CDH23: variants seen among roughly 807,000 people sequenced by gnomAD.
CDH23 encodes cadherin related 23.
Under a neutral mutation model 317.1 loss-of-function variants are expected in CDH23, and 189 were observed. The observed-to-expected ratio is 0.60, with a 90% confidence interval of 0.53 to 0.67. The LOEUF is 0.67. Ranked by LOEUF, CDH23 falls within the 30% of genes least tolerant of loss-of-function variation. The probability of loss-of-function intolerance (pLI) is 0.00; values close to 1 mark genes in which losing one functional copy is unlikely to be tolerated. For synonymous variants in CDH23, 1,839 were observed against 1,876.8 expected, an observed-to-expected ratio of 0.98 and a Z score of 0.52; for missense variants, 4,401 against 4,592.4, an observed-to-expected ratio of 0.96 and a Z score of 1.20.
intron 11 of CDH23, among the ~76,000 whole-genome samples, chr10:71,630,856 A>T (rs1432556432): frequency 6.6e-6 from 1 of 152,152 alleles, no homozygotes; most frequent in Non-Finnish European, 1.5e-5. Context: ...AAATCCAACC[A>T]TTGGCTCTCA....
chr10:71,478,779 T>C (rs1851920003), intron 3 of CDH23, among the ~76,000 whole-genome samples: 1 of 152,216 alleles, frequency 6.6e-6, no homozygotes. Context: ...TGTGGAGGAA[T>C]CTAAGAGCCC....
chr10:71,562,588 C>G (rs2132345711), intron 6 of CDH23, among the ~76,000 whole-genome samples: 1 of 152,338 alleles, frequency 6.6e-6, no homozygotes. Flanking sequence ...CTGCCCATGG[C>G]TGGGCATGTT....
chr10:71,439,154 C>T (rs1849756156), intron 1 of CDH23, among the ~76,000 whole-genome samples: 1 of 152,192 alleles, frequency 6.6e-6, no homozygotes, highest in African/African-American at 2.4e-5. Flanking sequence ...AGCTCTGAGC[C>T]CTTCAAAATT....
intron 22 of CDH23, among the ~76,000 whole-genome samples, chr10:71,701,066 G>A (rs1865564693): frequency 6.6e-6 from 1 of 152,170 alleles, no homozygotes; most frequent in South Asian, 2.1e-4. Context: ...CACTGATCTT[G>A]TCCACCCCTG....
chr10:71,703,133 AC>A (rs1445360880), intron 24 of CDH23, among the ~76,000 whole-genome samples: 1 of 152,084 alleles, frequency 6.6e-6, no homozygotes, highest in African/African-American at 2.4e-5. Flanking sequence ...CTCTAAAGAG[AC>A]TTGCCCAAGA....
chr10:71,684,258 T>C (rs1864780743), intron 18 of CDH23, among the ~76,000 whole-genome samples: 1 of 152,040 alleles, frequency 6.6e-6, no homozygotes, highest in Non-Finnish European at 1.5e-5. Flanking sequence ...AACCTGGCCT[T>C]AGTTTCCCAG....
chr10:71,678,901 A>C (rs1460602663), intron 16 of CDH23, among the ~76,000 whole-genome samples: 1 of 152,170 alleles, frequency 6.6e-6, no homozygotes, highest in African/African-American at 2.4e-5. Context: ...GTTCCTGCTC[A>C]CATGAAGCTG....
At chr10:71,569,921 G>A (rs1184792496) in intron 7 of CDH23, among the ~76,000 whole-genome samples, 4 of 151,724 alleles carry the variant, frequency 2.6e-5, no homozygotes, top group African/African-American at 4.8e-5. Flanking sequence ...TGGGGGTCTC[G>A]CTATGTTGTC....
intron 11 of CDH23, among the ~76,000 whole-genome samples, chr10:71,638,955 C>A (rs1354209650): frequency 6.6e-6 from 1 of 152,038 alleles, no homozygotes; most frequent in Non-Finnish European, 1.5e-5. Flanking sequence ...GCGCTGCCCT[C>A]GTGGGGGTGG....
intron 14 of CDH23, among the ~76,000 whole-genome samples, chr10:71,666,289 G>GC (rs34858874): frequency 1.3e-5 from 2 of 151,720 alleles, no homozygotes; most frequent in African/African-American, 4.8e-5. Flanking sequence ...TGTGATCACA[G>GC]CCCCCCAATA....
At chr10:71,527,668 C>G (rs1855117449) in intron 6 of CDH23, among the ~76,000 whole-genome samples, 1 of 152,164 alleles carries the variant, frequency 6.6e-6, no homozygotes, top group African/African-American at 2.4e-5. Flanking sequence ...GAAGCAAGAC[C>G]AGGGCACCAG....
chr10:71,427,195 GAGAAAGAAAGAAAGAAAGAAAGAAAGAA>G (rs373672706), intron 1 of CDH23, among the ~76,000 whole-genome samples: 2 of 98,948 alleles, frequency 2.0e-5, no homozygotes, highest in South Asian at 3.6e-4. Flanking sequence ...AGGAAGGAAA[GAGAAAGAAAGAAAGAAAGAAAGAAAGAA>G]AGAAAGAAAG....
chr10:71,704,409 A>G (rs182041042), intron 24 of CDH23, among the ~76,000 whole-genome samples: 1 of 152,314 alleles, frequency 6.6e-6, no homozygotes, highest in East Asian at 1.9e-4. Context: ...AAATAATAAT[A>G]ATGAAATCCT....
In CDH23 at chr10:71,725,591, C is replaced by A. The variant is rs1225048064; in HGVS notation, c.3579+71C>A. 4.6e-6 allele frequency: 7 copies of A among 1,518,046 alleles called. No individual in the cohort carries two copies. The Admixed American group carries it at 1.4e-4, about 30-fold the overall frequency. 94.0% of individuals were successfully genotyped at this position (1,518,046 alleles called of 1,614,324 possible). On this transcript the variant is annotated intron_variant, in intron 30 of 69. Coordinates refer to ENST00000224721, the MANE Select transcript of CDH23 (RefSeq NM_022124.6). ...AGCCCACAGCTAGAACAGAGAAGGCCATTAGTTGGCGCCTGGTGTGGGCAG... is the reference window on the plus strand; with the variant it reads ...AGCCCACAGCTAGAACAGAGAAGGCAATTAGTTGGCGCCTGGTGTGGGCAG...
At chr10:71,479,348 C>T (rs767695117) in intron 3 of CDH23, among the ~76,000 whole-genome samples, 21 of 152,272 alleles carry the variant, frequency 1.4e-4, no homozygotes, top group South Asian at 8.3e-4. Flanking sequence ...TCAGGGAACC[C>T]GCAGTGTGGA....
chr10:71,807,267 C>T lies in CDH23; in HGVS notation c.8179-10C>T, dbSNP rs778287546. ...TGGCCCCATGTGATGACATCCCCCT[C>T]CCTCTGCAGAAAGGCAGCCCCCAGT... On this transcript the variant is annotated splice_polypyrimidine_tract_variant and intron_variant, in intron 57 of 69. Transcript: ENST00000224721. 2 of 1,612,144 alleles carry T rather than the reference C, an allele frequency of 1.2e-6. No individual in the cohort carries two copies. The highest frequency in any genetic ancestry group is 1.7e-6 in the Non-Finnish European group (2 of 1,178,582).
chr10:71,475,376 C>T (rs1023636999), intron 3 of CDH23, among the ~76,000 whole-genome samples: 8 of 152,116 alleles, frequency 5.3e-5, no homozygotes, highest in African/African-American at 1.4e-4. Context: ...GTTTGGAGTT[C>T]CTGTTCCTGC....
chr10:71,814,685 CACACACACAATTTTCACAAGAAGCCGAT>C (rs1218483198), intron 69 of CDH23, among the ~76,000 whole-genome samples: 3 of 139,788 alleles, frequency 2.1e-5, no homozygotes, highest in East Asian at 2.7e-4. Flanking sequence ...AGCCGATACA[CACACACACAATTTTCACAAGAAGCCGAT>C]ACACACACAC....
At chr10:71,577,607 T>A (rs1858302670) in intron 8 of CDH23, among the ~76,000 whole-genome samples, 1 of 152,198 alleles carries the variant, frequency 6.6e-6, no homozygotes, top group African/African-American at 2.4e-5. Flanking sequence ...ACCAGATCTC[T>A]TGTCTCTTCG....
Sources: allele counts gnomAD v4.1 joint callset (sites outside exome capture counted in the v4.1 genomes callset), GRCh38; gene constraint gnomAD v4.1.1; transcripts MANE v1.5; gene names NCBI Gene and HGNC (gene_info 2026-07-23, HGNC 2026-07-21).